Variants in CDC42BPA observed in about 807,000 individuals in gnomAD.
CDC42BPA encodes serine/threonine-protein kinase MRCK alpha.
Under a neutral mutation model 223.5 loss-of-function variants are expected in CDC42BPA, and 80 were observed. That is an observed-to-expected ratio of 0.36 (90% CI 0.30 to 0.43). The LOEUF is 0.43. Among genes scored for constraint, CDC42BPA ranks in the 20% least tolerant of loss-of-function variants. The pLI is 1.00. For synonymous variants in CDC42BPA, 694 were observed against 718.6 expected, an observed-to-expected ratio of 0.97 and a Z score of 0.55; for missense variants, 1,743 against 2,099.9, an observed-to-expected ratio of 0.83 and a Z score of 3.32.
intron 1 of CDC42BPA, among the ~76,000 whole-genome samples, chr1:227,255,907 C>G (rs1682960085): frequency 6.6e-6 from 1 of 152,052 alleles, no homozygotes; most frequent in Non-Finnish European, 1.5e-5. Context: ...TCAAAGCAAT[C>G]CCTATCAAAA....
Position 227,109,882 on chromosome 1 carries a change from G to A in CDC42BPA, c.2001+2430C>T, listed in dbSNP as rs115787415. ...ACCATTGTTGTATATGCAGTCTGTG[G>A]CTGATCAAAACGTCACGATCTCTAC... On this transcript the variant is annotated intron_variant, in intron 14 of 36. Transcript: ENST00000366766. 4.4e-3 allele frequency among the ~76,000 whole-genome samples: 672 copies of A among 151,548 alleles called. 1 individual carries two copies. Among genetic ancestry groups the A allele is most frequent in the Non-Finnish European group, 6.8e-3 (465 of 67,928 alleles).
At chr1:227,013,644 C>T (rs1249860861) in intron 34 of CDC42BPA, among the ~76,000 whole-genome samples, 1 of 152,010 alleles carries the variant, frequency 6.6e-6, no homozygotes, top group Non-Finnish European at 1.5e-5. Flanking sequence ...AGAATGTCTA[C>T]AAACATTTTC....
At chr1:227,056,162 T>G (rs1674507247) in intron 21 of CDC42BPA, among the ~76,000 whole-genome samples, 1 of 152,114 alleles carries the variant, frequency 6.6e-6, no homozygotes, top group Non-Finnish European at 1.5e-5. Context: ...CTAAAACCAC[T>G]CATCTTGAAT....
rs148170395 is a variant in CDC42BPA at position 227,196,619 on chromosome 1, A to G, written c.451-2685T>C. Among the ~76,000 whole-genome samples, 856 of 152,196 alleles carry G rather than the reference A, an allele frequency of 5.6e-3. 5 individuals carry two copies. Among genetic ancestry groups the G allele is most frequent in the African/African-American group, 0.018 (755 of 41,544 alleles). On this transcript the variant is annotated intron_variant, in intron 4 of 36. Transcript: ENST00000366766. ...CTCCCAAAGTGCTGGGATTACAGGC[A>G]TGAGCCACCGTGCCCGGCCCTAAAC...
intron 1 of CDC42BPA, among the ~76,000 whole-genome samples, chr1:227,292,123 C>T (rs1003807877): frequency 6.6e-6 from 1 of 151,974 alleles, no homozygotes; most frequent in Non-Finnish European, 1.5e-5. Context: ...GCTGGGACTA[C>T]AGGCACACGC....
intron 15 of CDC42BPA, among the ~76,000 whole-genome samples, chr1:227,099,236 T>G (rs1684555873): frequency 6.6e-6 from 1 of 152,098 alleles, no homozygotes; most frequent in South Asian, 2.1e-4. Flanking sequence ...ATACAGCTTC[T>G]ACTTAATATT....
intron 6 of CDC42BPA, among the ~76,000 whole-genome samples, chr1:227,157,532 C>T (rs1430488566): frequency 2.0e-5 from 3 of 152,024 alleles, no homozygotes; most frequent in African/African-American, 4.8e-5. Flanking sequence ...CTTTAGTTTT[C>T]GGCACTTTAA....
intron 32 of CDC42BPA, among the ~76,000 whole-genome samples, chr1:227,021,954 A>G (rs567021074): frequency 2.6e-5 from 4 of 152,090 alleles, no homozygotes; most frequent in Non-Finnish European, 5.9e-5. Flanking sequence ...CAGGAGGCAG[A>G]GGTTGCAGTG....
rs1041203081 is a variant in CDC42BPA at position 227,054,843 on chromosome 1, T to A, written c.2905-2858A>T. ...ATGAAAATATTTAATTGTAATAAAG[T>A]AGAATAATGAAATTTACCATACTAG... On this transcript the variant is annotated intron_variant, in intron 21 of 36. Coordinates refer to ENST00000366766, the MANE Select transcript of CDC42BPA (RefSeq NM_001394014.1). 4.6e-5 allele frequency among the ~76,000 whole-genome samples: 7 copies of A among 152,100 alleles called. No homozygotes were observed. The Middle Eastern group carries it at 0.01, about 222-fold the overall frequency.
chr1:227,092,375 G>A (rs1319731353), intron 15 of CDC42BPA, among the ~76,000 whole-genome samples: 1 of 152,178 alleles, frequency 6.6e-6, no homozygotes, highest in Non-Finnish European at 1.5e-5. Context: ...ATATGGCAAT[G>A]CAAAAAGTAT....
At chr1:226,998,200 A>G (rs901410806) in intron 35 of CDC42BPA, among the ~76,000 whole-genome samples, 3 of 152,218 alleles carry the variant, frequency 2.0e-5, no homozygotes, top group Non-Finnish European at 4.4e-5. Flanking sequence ...AATCAATATC[A>G]TGAAAATGGC....
At chr1:227,302,818 G>T (rs942082520) in intron 1 of CDC42BPA, among the ~76,000 whole-genome samples, 1 of 151,626 alleles carries the variant, frequency 6.6e-6, no homozygotes, top group African/African-American at 2.4e-5. Flanking sequence ...CTATCTCTCT[G>T]TGGCTTTTTG....
Position 227,069,852 on chromosome 1 carries a change from A to T in CDC42BPA, c.2829T>A (p.Gly943=). ...AATGCTGTGAGTCTTGGTGCTCTAT[A>T]CCTAGAAGACAGCAGCAACTTTTTT... The part of the protein sequence containing the change: ...KDTEELRSEK[G]IEHQDSQHSF... The change falls in exon 21 of 37, where the codon GGT becomes GGA. Residue 943 remains glycine (G), a splice_region_variant and synonymous_variant. Transcript: ENST00000366766. The T allele has an allele frequency of 6.2e-7, 1 of 1,608,230 alleles. No individual in the cohort carries two copies. The highest frequency in any genetic ancestry group is 2.2e-5 in the East Asian group (1 of 44,716).
chr1:227,102,296 A>G (rs1685176622), intron 14 of CDC42BPA, among the ~76,000 whole-genome samples: 1 of 152,144 alleles, frequency 6.6e-6, no homozygotes, highest in Non-Finnish European at 1.5e-5. Context: ...AATATTAACC[A>G]TTTATCGAAA....
chr1:227,163,118 A>G (rs370654933), intron 5 of CDC42BPA, among the ~76,000 whole-genome samples: 7 of 97,752 alleles, frequency 7.2e-5, no homozygotes, highest in Admixed American at 3.0e-4. Flanking sequence ...ATATGTGTGT[A>G]TGTTTCCAAA....
rs368690606 is a variant in CDC42BPA, at chr1:227,220,282, TTATA to T, written c.271-7067_271-7064del. Among the ~76,000 whole-genome samples, 549 of 100,846 alleles carry T rather than the reference TTATA, an allele frequency of 5.4e-3. 10 individuals carry two copies. The highest frequency in any genetic ancestry group is 0.022 in the Middle Eastern group (4 of 184). 66.2% of individuals were successfully genotyped at this position (100,846 alleles called of 152,430 possible). On this transcript the variant is annotated intron_variant, in intron 2 of 36. Coordinates refer to ENST00000366766, the MANE Select transcript of CDC42BPA (RefSeq NM_001394014.1). ...GTCTCTTTAATGAAAAAAAGTCATG[TTATA>T]TATATATATATATATATATATATAT...
chr1:227,266,312 G>A (rs1684987843), intron 1 of CDC42BPA, among the ~76,000 whole-genome samples: 1 of 152,010 alleles, frequency 6.6e-6, no homozygotes, highest in African/African-American at 2.4e-5. Context: ...TTTCTCGAAT[G>A]CTCTCTCTCT....
At chr1:227,171,780 T>C (rs533813655) in intron 5 of CDC42BPA, among the ~76,000 whole-genome samples, 21 of 152,142 alleles carry the variant, frequency 1.4e-4, no homozygotes, top group Non-Finnish European at 2.9e-4. Context: ...TCTATATAGT[T>C]TCAATTCTGG....
At chr1:227,069,646 T>G in intron 21 of CDC42BPA, 131 bp downstream of exon 21, 1 of 593,640 alleles carries the variant, frequency 1.7e-6, no homozygotes, top group Non-Finnish European at 3.0e-6. Context: ...TGCTAATATG[T>G]TTTTGTTTAT....
Sources: gnomAD v4.1 joint callset for allele counts (sites outside exome capture counted in the v4.1 genomes callset) on GRCh38, gnomAD v4.1.1 for gene constraint, MANE v1.5 for transcripts, NCBI Gene and HGNC (gene_info 2026-07-23, HGNC 2026-07-21) for gene names.